Variants in PLLP observed in about 807,000 individuals in gnomAD.
The protein encoded by PLLP is plasma membrane proteolipid (plasmolipin).
A neutral mutation model predicts 19.7 loss-of-function variants in PLLP; 15 were observed. The ratio of observed to expected loss-of-function variants is 0.76; its 90% CI spans 0.51 to 1.17. The LOEUF (loss-of-function observed/expected upper bound fraction) is 1.17, where lower values mean the gene tolerates loss of function less well. PLLP is among the 50% of genes most tolerant of loss of function. PLLP has a pLI of 0.00. For missense variants in PLLP, 255 were observed against 258.3 expected (o/e 0.99, Z 0.09); for synonymous variants, 111 against 116.3 (o/e 0.95, Z 0.29).
At chr16:57,267,839 C>T (rs1453759645) in intron 1 of PLLP, among the ~76,000 whole-genome samples, 1 of 146,934 alleles carries the variant, frequency 6.8e-6, no homozygotes, top group Admixed American at 6.8e-5. Context: ...CGCACCACTG[C>T]ACTCCAGCCT....
intron 1 of PLLP, among the ~76,000 whole-genome samples, chr16:57,274,203 G>A (rs545538498): frequency 1.5e-4 from 23 of 152,026 alleles, no homozygotes; most frequent in South Asian, 1.5e-3. Flanking sequence ...GGCTGGTCTC[G>A]AACTCCTAGG....
At chr16:57,276,400 T>C (rs554689083) in intron 1 of PLLP, among the ~76,000 whole-genome samples, 1 of 152,262 alleles carries the variant, frequency 6.6e-6, no homozygotes, top group African/African-American at 2.4e-5. Context: ...AAGACCAGCT[T>C]GGCCAACATG....
intron 1 of PLLP, among the ~76,000 whole-genome samples, chr16:57,270,166 G>A (rs988856968): frequency 4.0e-5 from 6 of 151,510 alleles, no homozygotes; most frequent in South Asian, 2.1e-4. Flanking sequence ...CATGGCCCCC[G>A]AGTCCAAACA....
chr16:57,265,884 G>T (rs1328377340), intron 1 of PLLP, among the ~76,000 whole-genome samples: 2 of 152,122 alleles, frequency 1.3e-5, no homozygotes, highest in African/African-American at 4.8e-5. Context: ...ACATTTAGCT[G>T]GGCATAGTAG....
At position 57,257,015 on chromosome 16, in the gene PLLP, C is replaced by G; in HGVS notation, c.447G>C (p.Leu149Phe). ...CACTCACTCCATAGGCGATCATCACCAAACACGCAAAGAACTGAAAGAGAG... is the reference window on the plus strand; with the variant it reads ...CACTCACTCCATAGGCGATCATCACGAAACACGCAAAGAACTGAAAGAGAG... ...QRAAASFFAC[L>F]VMIAYGVSAF... Residue 149 changes from leucine (L) to phenylalanine (F), a missense_variant, in exon 4 of 4, where the codon TTG becomes TTC. Leu to Phe is a conservative substitution (Grantham distance 22, BLOSUM62 0). Coordinates refer to ENST00000219207, the MANE Select transcript of PLLP (RefSeq NM_015993.3). 1.9e-6 allele frequency: 3 copies of G among 1,612,804 alleles called. No individual in the cohort carries two copies. Among genetic ancestry groups the G allele is most frequent in the Non-Finnish European group, 2.5e-6 (3 of 1,178,840 alleles).
intron 1 of PLLP, among the ~76,000 whole-genome samples, chr16:57,281,604 G>A (rs1252620293): frequency 2.7e-5 from 4 of 149,178 alleles, no homozygotes; most frequent in Non-Finnish European, 5.9e-5. Flanking sequence ...TCCACCTCCC[G>A]GGTTCACGCC....
At chr16:57,278,067 C>T (rs1345119434) in intron 1 of PLLP, among the ~76,000 whole-genome samples, 2 of 152,004 alleles carry the variant, frequency 1.3e-5, no homozygotes, top group African/African-American at 2.4e-5. Flanking sequence ...TGGCCAGGCA[C>T]GGTGGCTCAT....
At chr16:57,279,564 C>G (rs148454219) in intron 1 of PLLP, among the ~76,000 whole-genome samples, 1 of 152,068 alleles carries the variant, frequency 6.6e-6, no homozygotes, top group Non-Finnish European at 1.5e-5. Context: ...GTCCCAGATA[C>G]TCAGGAGGCC....
intron 1 of PLLP, among the ~76,000 whole-genome samples, chr16:57,272,986 G>A (rs1301093303): frequency 2.0e-5 from 3 of 150,092 alleles, no homozygotes; most frequent in African/African-American, 4.9e-5. Flanking sequence ...GGGTCCAGGC[G>A]CGGTGGCTCA....
At chr16:57,259,495 C>G (rs971325473) in intron 2 of PLLP, among the ~76,000 whole-genome samples, 1 of 152,160 alleles carries the variant, frequency 6.6e-6, no homozygotes, top group South Asian at 2.1e-4. Flanking sequence ...CAGGAAGGGG[C>G]CCTCTGCTGA....
At chr16:57,278,769 C>T (rs1901184068) in intron 1 of PLLP, among the ~76,000 whole-genome samples, 2 of 152,166 alleles carry the variant, frequency 1.3e-5, no homozygotes, top group African/African-American at 2.4e-5. Flanking sequence ...TCAGACATTG[C>T]AATCCGAGTG....
At chr16:57,277,942 A>G (rs928786731) in intron 1 of PLLP, among the ~76,000 whole-genome samples, 2 of 152,034 alleles carry the variant, frequency 1.3e-5, no homozygotes, top group Non-Finnish European at 2.9e-5. Context: ...TTTTTCAAAG[A>G]ATAAAACAAT....
chr16:57,272,731 C>T (rs1166397663), intron 1 of PLLP, among the ~76,000 whole-genome samples: 9 of 151,400 alleles, frequency 5.9e-5, no homozygotes, highest in South Asian at 2.1e-4. Flanking sequence ...GTAGGAGGAA[C>T]GCTTGAGCCC....
chr16:57,284,445 G>C lies in PLLP; in HGVS notation c.96C>G (p.Phe32Leu). Residue 32 changes from phenylalanine to leucine, a missense_variant, in exon 1 of 4, where the codon TTC becomes TTG. Phe to Leu is a conservative substitution (Grantham distance 22). Coordinates refer to ENST00000219207, the MANE Select transcript of PLLP (RefSeq NM_015993.3). ...SVSALRPDLG[F>L]VRSRLGALML... ...TGAGCGCCCCGAGGCGGGAGCGCAC[G>C]AAGCCCAGGTCCGGGCGCAGCGCCG... 7.1e-7 allele frequency: 1 copy of C among 1,405,122 alleles called. No individual in the cohort carries two copies. 87.0% of individuals were successfully genotyped at this position (1,405,122 alleles called of 1,614,324 possible).
At chr16:57,281,814 A>G (rs1475814743) in intron 1 of PLLP, among the ~76,000 whole-genome samples, 1 of 152,034 alleles carries the variant, frequency 6.6e-6, no homozygotes, top group Non-Finnish European at 1.5e-5. Flanking sequence ...CCTGGCCCCA[A>G]CAAGCAGATT....
chr16:57,276,740 G>A (rs1206609703), intron 1 of PLLP, among the ~76,000 whole-genome samples: 4 of 152,238 alleles, frequency 2.6e-5, no homozygotes, highest in Admixed American at 2.6e-4. Flanking sequence ...GAGGCATGCT[G>A]TTGCAGGCAG....
Position 57,256,563 on chromosome 16 carries a change from C to T in PLLP, c.*350G>A, listed in dbSNP as rs2075425924. The T allele has an allele frequency of 3.9e-6, 1 of 256,870 alleles. No individual in the cohort carries two copies. The allele number at this position is 256,870 out of a possible 1,614,324, so 15.9% of individuals were successfully genotyped here. A position where few individuals can be genotyped will look rare whatever the true frequency, so the allele number is the denominator to read the frequency against. ...GGGTCTGGGGCTGCAGGTCTGGAGTCCTTGTTAGTGCATTTAGTGCTGGTG... is the reference window on the plus strand; with the variant it reads ...GGGTCTGGGGCTGCAGGTCTGGAGTTCTTGTTAGTGCATTTAGTGCTGGTG... On this transcript the variant is annotated 3_prime_UTR_variant, in exon 4 of 4. Transcript: ENST00000219207.
intron 1 of PLLP, among the ~76,000 whole-genome samples, chr16:57,277,075 G>A (rs1901162942): frequency 6.6e-6 from 1 of 152,204 alleles, no homozygotes; most frequent in Non-Finnish European, 1.5e-5. Context: ...GCAGAAGGAT[G>A]TGGCTAGACT....
intron 2 of PLLP, among the ~76,000 whole-genome samples, chr16:57,259,994 A>C (rs1253874224): frequency 2.0e-5 from 3 of 151,450 alleles, no homozygotes; most frequent in Non-Finnish European, 4.4e-5. Context: ...AAAAAAAAAA[A>C]CTTAGGATAT....
Sources: allele counts gnomAD v4.1 joint callset (sites outside exome capture counted in the v4.1 genomes callset), GRCh38; gene constraint gnomAD v4.1.1; transcripts MANE v1.5; gene names NCBI Gene and HGNC (gene_info 2026-07-23, HGNC 2026-07-21).